The following LARP1 variants were observed in gnomAD, a reference collection of about 807,000 sequenced individuals.
The protein encoded by LARP1 is la-related protein 1.
In LARP1, 36 loss-of-function variants were observed where a neutral mutation model predicts 122.7. That is an observed-to-expected ratio of 0.29 (90% confidence interval 0.22 to 0.39). The LOEUF is 0.39. LARP1 is among the 10% of genes least tolerant of loss of function. The probability of loss-of-function intolerance (pLI) is 1.00; values close to 1 mark genes in which losing one functional copy is unlikely to be tolerated. For missense variants in LARP1, 1,040 were observed against 1,403.6 expected, an observed-to-expected ratio of 0.74 and a Z score of 4.14; for synonymous variants, 539 against 528.7, an observed-to-expected ratio of 1.02 and a Z score of -0.27.
At chr5:154,740,393 C>CAA (rs538295324) in intron 1 of LARP1, among the ~76,000 whole-genome samples, 102 of 73,352 alleles carry the variant, frequency 1.4e-3, no homozygotes, top group African/African-American at 3.8e-3. Context: ...AACTCTGTCT[C>CAA]AAAAAAAAAA....
At chr5:154,779,988 T>C (rs1756286686) in intron 1 of LARP1, among the ~76,000 whole-genome samples, 1 of 152,156 alleles carries the variant, frequency 6.6e-6, no homozygotes, top group Admixed American at 6.5e-5. Context: ...AAGGAGCCTG[T>C]AGGCCATCCT....
chr5:154,768,309 G>C (rs1755114742), intron 1 of LARP1, among the ~76,000 whole-genome samples: 1 of 152,190 alleles, frequency 6.6e-6, no homozygotes, highest in Admixed American at 6.5e-5. Context: ...TGTGAATACT[G>C]TATCTGTTAG....
chr5:154,776,220 C>A (rs1030646092), intron 1 of LARP1, among the ~76,000 whole-genome samples: 3 of 152,138 alleles, frequency 2.0e-5, no homozygotes, highest in African/African-American at 7.2e-5. Context: ...AGAAGCTGTT[C>A]GGCTGTGAGG....
intron 1 of LARP1, among the ~76,000 whole-genome samples, chr5:154,757,853 C>G (rs1754115744): frequency 1.5e-5 from 1 of 64,810 alleles, no homozygotes; most frequent in South Asian, 8.8e-4. Context: ...CCCCTTCCCC[C>G]CTGCTCCCCT....
intron 1 of LARP1, among the ~76,000 whole-genome samples, chr5:154,788,545 G>C (rs1046060670): frequency 2.6e-5 from 4 of 152,182 alleles, no homozygotes; most frequent in African/African-American, 9.7e-5. Context: ...GGGTTTGGGG[G>C]CAGCTCTCGC....
intron 1 of LARP1, among the ~76,000 whole-genome samples, chr5:154,759,420 A>G (rs984380053): frequency 2.0e-5 from 3 of 152,194 alleles, no homozygotes; most frequent in Admixed American, 1.3e-4. Context: ...TTGCTTATCC[A>G]CAGACATGAA....
intron 1 of LARP1, among the ~76,000 whole-genome samples, chr5:154,765,547 C>T (rs1180523743): frequency 6.6e-6 from 1 of 152,146 alleles, no homozygotes; most frequent in Non-Finnish European, 1.5e-5. Flanking sequence ...GCACACGTCA[C>T]CACGCCTGGC....
chr5:154,700,457 A>T (rs938020116), intron 1 of LARP1, among the ~76,000 whole-genome samples: 38 of 152,032 alleles, frequency 2.5e-4, no homozygotes, highest in Admixed American at 1.2e-3. Flanking sequence ...ACTTGAGTCC[A>T]GGAGGTTGAG....
chr5:154,792,261 A>G (rs1008871514), intron 3 of LARP1, among the ~76,000 whole-genome samples: 1 of 152,204 alleles, frequency 6.6e-6, no homozygotes, highest in Non-Finnish European at 1.5e-5. Context: ...CTTCACAGAC[A>G]GAGTTGTTGT....
intron 1 of LARP1, among the ~76,000 whole-genome samples, chr5:154,693,502 A>G (rs1254727948): frequency 3.9e-5 from 6 of 152,164 alleles, no homozygotes; most frequent in Non-Finnish European, 8.8e-5. Context: ...TTAAAGTGGG[A>G]TGTAGGACTG....
At chr5:154,791,134 GTTTTT>G (rs778607471) in intron 3 of LARP1, among the ~76,000 whole-genome samples, 1 of 116,286 alleles carries the variant, frequency 8.6e-6, no homozygotes, top group African/African-American at 3.2e-5. Flanking sequence ...GTTTTTTGTT[GTTTTT>G]TTTTTTTTTT....
intron 1 of LARP1, among the ~76,000 whole-genome samples, chr5:154,702,703 C>T (rs1357855295): frequency 6.6e-6 from 1 of 152,168 alleles, no homozygotes; most frequent in Non-Finnish European, 1.5e-5. Context: ...TACATATTTA[C>T]ACATCCACTT....
intron 1 of LARP1, among the ~76,000 whole-genome samples, chr5:154,776,063 A>C (rs1755857748): frequency 6.6e-6 from 1 of 152,148 alleles, no homozygotes; most frequent in African/African-American, 2.4e-5. Flanking sequence ...TAACCCCAGC[A>C]CTTTGGGAGG....
chr5:154,808,202 GCTAGACTGC>G (rs1268029367), intron 15 of LARP1, among the ~76,000 whole-genome samples: 1 of 152,182 alleles, frequency 6.6e-6, no homozygotes, highest in Non-Finnish European at 1.5e-5. Context: ...GAGGTGAAGA[GCTAGACTGC>G]CAGCCTGGTT....
intron 1 of LARP1, among the ~76,000 whole-genome samples, chr5:154,720,242 A>G (rs995101043): frequency 1.1e-4 from 17 of 152,068 alleles, no homozygotes; most frequent in African/African-American, 4.1e-4. Context: ...CATAGATGGT[A>G]TTTTTGAAAG....
chr5:154,780,436 C>T (rs1375366010), intron 1 of LARP1, among the ~76,000 whole-genome samples: 1 of 152,164 alleles, frequency 6.6e-6, no homozygotes, highest in Non-Finnish European at 1.5e-5. Context: ...GTCCCTAAGG[C>T]CCTGCCCTGA....
chr5:154,741,587 G>T (rs188986913), intron 1 of LARP1, among the ~76,000 whole-genome samples: 1 of 152,168 alleles, frequency 6.6e-6, no homozygotes, highest in African/African-American at 2.4e-5. Flanking sequence ...GTGTGTGGGT[G>T]GGGGGAGTGG....
At chr5:154,752,296 G>A (rs1218772678), upstream of LARP1, among the ~76,000 whole-genome samples, 2 of 152,080 alleles carry the variant, frequency 1.3e-5, no homozygotes, top group Non-Finnish European at 2.9e-5. Context: ...AGGATGGAGT[G>A]CAGTGGGGTG....
Position 154,803,665 on chromosome 5 carries a change from C to T in LARP1, c.2359C>T (p.Arg787Trp), listed in dbSNP as rs374542687. The change falls in exon 13 of 19, where the codon CGG (arginine) becomes TGG (tryptophan). Residue 787 changes from arginine to tryptophan, a missense_variant. Transcript: ENST00000518297. This position sits in a 1 kb window ranked among gnomAD's most constrained non-coding sequence, Gnocchi z 4.4. Reference sequence around the variant, plus strand: ...CAACACCAGGACCCCTCGCACTCCCCGGACACCACAGCTCAAAGACTCAAG... The same window carrying T: ...CAACACCAGGACCCCTCGCACTCCCTGGACACCACAGCTCAAAGACTCAAG... Reference protein sequence around the residue: ...YRNTRTPRTPRTPQLKDSSQT... With the variant: ...YRNTRTPRTPWTPQLKDSSQT... 8 of 1,614,052 alleles carry T rather than the reference C, an allele frequency of 5.0e-6. No individual in the cohort carries two copies. The highest frequency in any genetic ancestry group is 2.2e-5 in the East Asian group (1 of 44,888).
Sources: gnomAD v4.1 joint callset for allele counts (sites outside exome capture counted in the v4.1 genomes callset) on GRCh38, gnomAD v4.1.1 for gene constraint, Gnocchi (gnomAD v3.1) non-coding constraint, MANE v1.5 for transcripts, NCBI Gene and HGNC (gene_info 2026-07-23, HGNC 2026-07-21) for gene names.